NEK10: variants seen among roughly 807,000 people sequenced by gnomAD.
NEK10 encodes serine/threonine-protein kinase Nek10.
In NEK10, 122 loss-of-function variants were observed where a neutral mutation model predicts 159.8. That is an observed-to-expected ratio of 0.76 (90% CI 0.66 to 0.89). The LOEUF (loss-of-function observed/expected upper bound fraction) is 0.89, where lower values mean the gene tolerates loss of function less well. NEK10 is among the 40% of genes least tolerant of loss of function. The pLI, the probability that NEK10 is intolerant of heterozygous loss-of-function variation, is 0.00. For missense variants in NEK10, 1,342 were observed against 1,323.1 expected (o/e 1.01, Z -0.22); for synonymous variants, 466 against 457.1 (o/e 1.02, Z -0.25).
rs9856185 is a variant in NEK10 at position 27,202,224 on chromosome 3, A to G, written c.2220+204T>C. Among the ~76,000 whole-genome samples the G allele has an allele frequency of 3.0e-3, 460 of 152,272 alleles. 1 individual carries two copies. The highest frequency in any genetic ancestry group is 0.01 in the African/African-American group (428 of 41,560). On this transcript the variant is annotated intron_variant, in intron 24 of 35. Coordinates refer to ENST00000691995, the MANE Select transcript of NEK10 (RefSeq NM_001394966.1). ...TTAAAAATAATTTTGTATTATAAAT[A>G]AAGACAATTATAGAGGGAAATAAGC...
chr3:27,130,333 T>C (rs1942468862), intron 32 of NEK10, among the ~76,000 whole-genome samples: 1 of 152,154 alleles, frequency 6.6e-6, no homozygotes, highest in African/African-American at 2.4e-5. Flanking sequence ...TGTTTTTATT[T>C]TCCCAGACGA....
At chr3:27,223,149 C>T (rs1489889878) in intron 23 of NEK10, among the ~76,000 whole-genome samples, 3 of 152,180 alleles carry the variant, frequency 2.0e-5, no homozygotes, top group Non-Finnish European at 2.9e-5. Flanking sequence ...GAAGCCATAA[C>T]AAAGGTGCTG....
chr3:27,283,212 G>C (rs1575583082), intron 22 of NEK10, among the ~76,000 whole-genome samples: 1 of 152,070 alleles, frequency 6.6e-6, no homozygotes, highest in African/African-American at 2.4e-5. Flanking sequence ...CTAAAACCAA[G>C]GGACTCAGCT....
chr3:27,172,895 A>G (rs1360370305), intron 28 of NEK10, among the ~76,000 whole-genome samples: 1 of 152,178 alleles, frequency 6.6e-6, no homozygotes. Context: ...GTAGGTAGGA[A>G]ATATTCTAGG....
intron 6 of NEK10, among the ~76,000 whole-genome samples, chr3:27,321,415 A>C (rs2045622372): frequency 6.6e-6 from 1 of 152,158 alleles, no homozygotes. Flanking sequence ...TCATGCCTGT[A>C]ATCCCAGCAC....
rs760937957 is a variant in NEK10, at chr3:27,109,826, T to C, written c.*1446A>G. ...TTCATTACTGTATTTGCATCTATTATCTTACATTACAGTGTATCTGTAATT... is the reference window on the plus strand; with the variant it reads ...TTCATTACTGTATTTGCATCTATTACCTTACATTACAGTGTATCTGTAATT... On this transcript the variant is annotated 3_prime_UTR_variant, in exon 36 of 36. Transcript: ENST00000691995. 6.6e-6 allele frequency among the ~76,000 whole-genome samples: 1 copy of C among 152,226 alleles called. No individual in the cohort carries two copies. The highest frequency in any genetic ancestry group is 1.5e-5 in the Non-Finnish European group (1 of 68,028).
At chr3:27,164,989 C>T (rs1427757621) in intron 29 of NEK10, among the ~76,000 whole-genome samples, 2 of 152,200 alleles carry the variant, frequency 1.3e-5, no homozygotes, top group East Asian at 3.8e-4. Flanking sequence ...TGCTGAGTTG[C>T]TGCCGCTTTT....
chr3:27,308,475 T>G lies in NEK10; in HGVS notation c.716+451A>C, dbSNP rs564824075. ...TCATATGTTATTCACAGAAAAGCAATGGTCCACTTATTGTCATAAAAACAT... is the reference window on the plus strand; with the variant it reads ...TCATATGTTATTCACAGAAAAGCAAGGGTCCACTTATTGTCATAAAAACAT... On this transcript the variant is annotated intron_variant, in intron 10 of 35. Coordinates refer to ENST00000691995, the MANE Select transcript of NEK10 (RefSeq NM_001394966.1). Among the ~76,000 whole-genome samples the G allele has an allele frequency of 4.6e-5, 7 of 152,308 alleles. No individual in the cohort carries two copies. In the East Asian group the frequency reaches 1.3e-3, roughly 29 times the overall value.
At position 27,284,780 on chromosome 3, in the gene NEK10, TAAG is replaced by T. The variant is rs1028822301; in HGVS notation, c.1911+57_1911+59del. 14 of 1,548,686 alleles carry T rather than the reference TAAG, an allele frequency of 9.0e-6. No individual in the cohort carries two copies. The African/African-American group carries it at 1.9e-4, about 21-fold the overall frequency. ...GCCAAAGATGACTACTGCACGTCTT[TAAG>T]AAGCCAGCTCAGAACATTACTGTTT... On this transcript the variant is annotated intron_variant, in intron 21 of 35. Coordinates refer to ENST00000691995, the MANE Select transcript of NEK10 (RefSeq NM_001394966.1).
At chr3:27,123,608 G>A (rs1264649901) in intron 32 of NEK10, among the ~76,000 whole-genome samples, 1 of 152,130 alleles carries the variant, frequency 6.6e-6, no homozygotes, top group Admixed American at 6.6e-5. Context: ...CTTGGAGTTC[G>A]CTAACTACTT....
chr3:27,245,712 T>C (rs924642411), intron 23 of NEK10, among the ~76,000 whole-genome samples: 3 of 152,206 alleles, frequency 2.0e-5, no homozygotes, highest in African/African-American at 7.2e-5. Flanking sequence ...ATCCAATACA[T>C]ATCTGAAATA....
intron 1 of NEK10, among the ~76,000 whole-genome samples, chr3:27,356,025 G>C (rs979465298): frequency 1.3e-5 from 2 of 152,186 alleles, no homozygotes; most frequent in African/African-American, 4.8e-5. Context: ...AGTGGGTTTA[G>C]TGCATTTTAC....
At chr3:27,257,835 C>G (rs1956371091) in intron 22 of NEK10, among the ~76,000 whole-genome samples, 1 of 138,198 alleles carries the variant, frequency 7.2e-6, no homozygotes, top group Non-Finnish European at 1.5e-5. Context: ...GTCACCTAGT[C>G]TGGAGTGCAG....
At chr3:27,200,615 C>A (rs1469248658) in intron 25 of NEK10, among the ~76,000 whole-genome samples, 1 of 152,218 alleles carries the variant, frequency 6.6e-6, no homozygotes, top group Non-Finnish European at 1.5e-5. Flanking sequence ...TAAGTCCCTG[C>A]TCTTGAGTTT....
At chr3:27,288,644 G>A (rs1176435739) in intron 19 of NEK10, among the ~76,000 whole-genome samples, 4 of 152,106 alleles carry the variant, frequency 2.6e-5, no homozygotes, top group South Asian at 4.2e-4. Flanking sequence ...TTTAAAAAAT[G>A]GTGCAATTTC....
rs1461143489 is a variant in NEK10 at position 27,201,502 on chromosome 3, CTAAT to C, written c.2291+4_2291+7del. On this transcript the variant is annotated splice_donor_5th_base_variant and intron_variant, in intron 25 of 35. Coordinates refer to ENST00000691995, the MANE Select transcript of NEK10 (RefSeq NM_001394966.1). ...TCCCTACATGTCTGAAGCCGCAAGACTAATTACCTGCTGATGGTGTCTGTTACTT... is the reference window on the plus strand; with the variant it reads ...TCCCTACATGTCTGAAGCCGCAAGACTACCTGCTGATGGTGTCTGTTACTT... 1 of 1,612,928 alleles carries C rather than the reference CTAAT, an allele frequency of 6.2e-7. No homozygotes were observed. Among genetic ancestry groups the C allele is most frequent in the East Asian group, 2.2e-5 (1 of 44,858 alleles).
intron 26 of NEK10, among the ~76,000 whole-genome samples, chr3:27,188,701 C>T (rs1948843899): frequency 6.6e-6 from 1 of 152,176 alleles, no homozygotes; most frequent in South Asian, 2.1e-4. Flanking sequence ...CATTTGTACA[C>T]ATAGAAATAT....
At chr3:27,162,993 G>A (rs964364948) in intron 29 of NEK10, among the ~76,000 whole-genome samples, 1 of 151,790 alleles carries the variant, frequency 6.6e-6, no homozygotes, top group African/African-American at 2.4e-5. Flanking sequence ...CTAAATTTTA[G>A]GATCCTGAAT....
intron 1 of NEK10, among the ~76,000 whole-genome samples, chr3:27,356,824 T>C (rs2048353130): frequency 1.3e-5 from 2 of 152,214 alleles, no homozygotes; most frequent in Non-Finnish European, 2.9e-5. Context: ...GAAATCCTCT[T>C]GTCCATTTAT....
Sources: allele counts gnomAD v4.1 joint callset (sites outside exome capture counted in the v4.1 genomes callset), GRCh38; gene constraint gnomAD v4.1.1; transcripts MANE v1.5; gene names NCBI Gene and HGNC (gene_info 2026-07-23, HGNC 2026-07-21).